Variants in XRCC2 observed in about 807,000 individuals in gnomAD.
The protein encoded by XRCC2 is X-ray repair cross complementing 2.
XRCC2 carries 24 observed loss-of-function variants against 27.3 expected under a neutral mutation model. The observed-to-expected ratio is 0.88, with a 90% CI of 0.64 to 1.24. XRCC2 has a LOEUF of 1.24. Among genes scored for constraint, XRCC2 ranks in the 50% most tolerant of loss-of-function variants. The pLI, the probability that XRCC2 is intolerant of heterozygous loss-of-function variation, is 0.00. For missense variants in XRCC2, 321 were observed against 325.8 expected (o/e 0.99, Z 0.11); for synonymous variants, 106 against 115.4 (o/e 0.92, Z 0.52).
In XRCC2 at chr7:152,662,379, T is replaced by G. The variant is rs568541820; in HGVS notation, c.40-1597A>C. Among the ~76,000 whole-genome samples the G allele has an allele frequency of 8.7e-4, 131 of 151,040 alleles. 1 individual carries two copies. The highest frequency in any genetic ancestry group is 3.4e-3 in the Middle Eastern group (1 of 294). ...TTGTCACCCTAGTCTGGAGGAGGAG[T>G]GTCTGCACCATGACGGAAGTCATTA... On this transcript the variant is annotated intron_variant, in intron 1 of 2. Coordinates refer to ENST00000359321, the MANE Select transcript of XRCC2 (RefSeq NM_005431.2).
At chr7:152,667,527 T>C (rs1020852922) in intron 1 of XRCC2, among the ~76,000 whole-genome samples, 1 of 151,970 alleles carries the variant, frequency 6.6e-6, no homozygotes, top group East Asian at 1.9e-4. Context: ...CATCAGACTT[T>C]CCACTGTTAC....
At chr7:152,668,209 A>G (rs1449131558) in intron 1 of XRCC2, among the ~76,000 whole-genome samples, 4 of 152,154 alleles carry the variant, frequency 2.6e-5, no homozygotes, top group African/African-American at 9.7e-5. Context: ...GTTGCATAAT[A>G]AAATATCGTA....
intron 2 of XRCC2, among the ~76,000 whole-genome samples, chr7:152,654,311 G>T (rs941286855): frequency 3.2e-4 from 48 of 152,048 alleles, no homozygotes; most frequent in African/African-American, 9.7e-4. Context: ...TCTTTGATGG[G>T]TGGGTATTAT....
In XRCC2 at chr7:152,673,151, C is replaced by G. The variant is rs576802699; in HGVS notation, c.39+2890G>C. Among the ~76,000 whole-genome samples, 14 of 152,150 alleles carry G rather than the reference C, an allele frequency of 9.2e-5. No homozygotes were observed. In the East Asian group the frequency reaches 1.7e-3, roughly 19 times the overall value. ...GTTTTCCACTCTCCACCTGGCTTAC[C>G]ATAAACTTCATCCCTAGAATCTGCT... On this transcript the variant is annotated intron_variant, in intron 1 of 2. Transcript: ENST00000359321.
Position 152,676,123 on chromosome 7 carries a change from C to G in XRCC2, c.-44G>C. The stretch of plus-strand genomic sequence containing the variant: ...CAGGAGAGACTCAACTTTCCCGCCA[C>G]CAACGCCATTCACCAACTGCGCAGA... On this transcript the variant is annotated 5_prime_UTR_variant, in exon 1 of 3. Coordinates refer to ENST00000359321, the MANE Select transcript of XRCC2 (RefSeq NM_005431.2). 6.2e-7 allele frequency: 1 copy of G among 1,613,340 alleles called. No individual in the cohort carries two copies. The highest frequency in any genetic ancestry group is 8.5e-7 in the Non-Finnish European group (1 of 1,179,636).
chr7:152,667,407 A>G (rs766717004), intron 1 of XRCC2, among the ~76,000 whole-genome samples: 15 of 75,398 alleles, frequency 2.0e-4, no homozygotes, highest in Non-Finnish European at 2.5e-4. Context: ...CTCCGTCTCA[A>G]AAAAAAAAAA....
chr7:152,662,131 A>C (rs1183805957), intron 1 of XRCC2, among the ~76,000 whole-genome samples: 4 of 151,766 alleles, frequency 2.6e-5, no homozygotes, highest in Non-Finnish European at 5.9e-5. Flanking sequence ...CGCCCGGCTA[A>C]TTTTTGTATT....
chr7:152,645,006 A>G lies in XRCC2; in HGVS notation c.*3636T>C. On this transcript the variant is annotated 3_prime_UTR_variant, in exon 3 of 3. Transcript: ENST00000359321. Reference sequence around the variant, plus strand: ...TCTGTTTAGAAATAACTCCAAGAATAGTTTTTATATTTTATTTTCACATTG... The same window carrying G: ...TCTGTTTAGAAATAACTCCAAGAATGGTTTTTATATTTTATTTTCACATTG... 6.6e-6 allele frequency: 1 copy of G among 152,214 alleles called. No individual in the cohort carries two copies. The highest frequency in any genetic ancestry group is 1.9e-4 in the East Asian group (1 of 5,200). The allele number at this position is 152,214 out of a possible 1,614,324, so 9.4% of individuals were successfully genotyped here.
chr7:152,662,727 T>C (rs3218463), intron 1 of XRCC2, among the ~76,000 whole-genome samples: 1,516 of 150,492 alleles, frequency 0.01, 10 homozygotes, highest in Middle Eastern at 0.075. Flanking sequence ...CGCCCGCCAC[T>C]ACGCCCGGCT....
intron 1 of XRCC2, among the ~76,000 whole-genome samples, chr7:152,671,256 C>A (rs965257550): frequency 6.6e-6 from 1 of 152,014 alleles, no homozygotes; most frequent in Non-Finnish European, 1.5e-5. Flanking sequence ...AAATTTAAAA[C>A]CTCCAGAGAA....
chr7:152,655,526 T>A (rs3218497), intron 2 of XRCC2, among the ~76,000 whole-genome samples: 1 of 152,076 alleles, frequency 6.6e-6, no homozygotes, highest in Admixed American at 6.5e-5. Context: ...CTGGGCAACA[T>A]GGCAAAACTC....
rs532883325 is a variant in XRCC2 at position 152,650,616 on chromosome 7, C to T, written c.122-1253G>A. ...TCTAAATACGGATTCAAGGGCTGGGCGCAGTGGCTCACGCCTGTAATCCCA... is the reference window on the plus strand; with the variant it reads ...TCTAAATACGGATTCAAGGGCTGGGTGCAGTGGCTCACGCCTGTAATCCCA... On this transcript the variant is annotated intron_variant, in intron 2 of 2. Transcript: ENST00000359321. Among the ~76,000 whole-genome samples, 44 of 152,286 alleles carry T rather than the reference C, an allele frequency of 2.9e-4. 1 individual carries two copies. In the South Asian group the frequency reaches 4.3e-3, roughly 15 times the overall value.
intron 2 of XRCC2, among the ~76,000 whole-genome samples, chr7:152,655,381 G>A (rs892824763): frequency 1.3e-5 from 2 of 152,162 alleles, no homozygotes; most frequent in Non-Finnish European, 1.5e-5. Context: ...TTGGTACATG[G>A]TACTGAATAA....
chr7:152,656,477 TCTGATAAA>T, intron 2 of XRCC2, among the ~76,000 whole-genome samples: 1 of 152,326 alleles, frequency 6.6e-6, no homozygotes, highest in South Asian at 2.1e-4. Context: ...TGTAACAAGC[TCTGATAAA>T]CTTCTATTGT....
In XRCC2 at chr7:152,648,713, G is replaced by A. The variant is rs759300252; in HGVS notation, c.772C>T (p.Arg258Cys). Residue 258 changes from arginine (R) to cysteine (C), a missense_variant, in exon 3 of 3, where the codon CGT becomes TGT. Arg to Cys is a radical substitution (Grantham distance 180). Transcript: ENST00000359321. The stretch of plus-strand genomic sequence containing the variant: ...TTTAAACTGTTACTTTTTAAACAAC[G>A]TGAAACTAATGAAAATTGGTTGCTG... ...QSSNQFSLVS[R>C]CLKSNSLKKH... The A allele has an allele frequency of 6.2e-6, 10 of 1,612,610 alleles. No homozygotes were observed. The highest frequency in any genetic ancestry group is 3.4e-5 in the Admixed American group (2 of 59,650).
At chr7:152,674,781 A>AATATAT (rs200375595) in intron 1 of XRCC2, among the ~76,000 whole-genome samples, 10 of 132,800 alleles carry the variant, frequency 7.5e-5, no homozygotes, top group East Asian at 6.4e-4. Context: ...TATATTTTTA[A>AATATAT]ATATATATAT....
At chr7:152,656,752 A>C (rs903012620) in intron 2 of XRCC2, among the ~76,000 whole-genome samples, 8 of 152,212 alleles carry the variant, frequency 5.3e-5, no homozygotes, top group Non-Finnish European at 1.2e-4. Context: ...AGAGAGTACA[A>C]AGACCATTCT....
At chr7:152,660,522 T>C (rs913715911) in intron 2 of XRCC2, among the ~76,000 whole-genome samples, 179 bp downstream of exon 2, 9 of 152,232 alleles carry the variant, frequency 5.9e-5, no homozygotes, top group African/African-American at 9.7e-5. Context: ...AGAAGCAAAC[T>C]TGTCTGACAC....
rs372916994 is a variant in XRCC2 at position 152,674,710 on chromosome 7, T to TAAAAATATATTTATATA, written c.39+1330_39+1331insTATATAAATATATTTTT. On this transcript the variant is annotated intron_variant, in intron 1 of 2. Transcript: ENST00000359321. ...ATATATTTTTAAATATATATTTATA[T>TAAAAATATATTTATATA]AATATATTTTTAAATATATATTATA... 8.6e-4 allele frequency among the ~76,000 whole-genome samples: 15 copies of TAAAAATATATTTATATA among 17,490 alleles called. 5 individuals carry two copies. Among genetic ancestry groups the TAAAAATATATTTATATA allele is most frequent in the African/African-American group, 5.1e-3 (14 of 2,732 alleles). 11.5% of individuals were successfully genotyped at this position (17,490 alleles called of 152,430 possible).
Sources: gnomAD v4.1 joint callset for allele counts (sites outside exome capture counted in the v4.1 genomes callset) on GRCh38, gnomAD v4.1.1 for gene constraint, MANE v1.5 for transcripts, NCBI Gene and HGNC (gene_info 2026-07-23, HGNC 2026-07-21) for gene names.